Variants in TRPM6 observed in about 807,000 individuals in gnomAD.
The protein encoded by TRPM6 is transient receptor potential cation channel subfamily M member 6, also known as channel kinase 2.
TRPM6 carries 111 observed loss-of-function variants against 247.6 expected under a neutral mutation model. That is an observed-to-expected ratio of 0.45 (90% CI 0.38 to 0.52). The LOEUF (loss-of-function observed/expected upper bound fraction) is 0.52. Ranked by LOEUF, TRPM6 falls within the 20% of genes least tolerant of loss-of-function variation. TRPM6 has a pLI of 0.00. For synonymous variants in TRPM6, 892 were observed against 853.8 expected (o/e 1.04, Z -0.78); for missense variants, 2,126 against 2,421.5 (o/e 0.88, Z 2.56).
chr9:74,806,625 G>A (rs528475672), intron 14 of TRPM6, among the ~76,000 whole-genome samples: 1 of 152,186 alleles, frequency 6.6e-6, no homozygotes, highest in East Asian at 1.9e-4. Flanking sequence ...CTGTGTATCA[G>A]GAACATGGAT....
rs1462919355 is a variant in TRPM6, at chr9:74,839,406, C to T, written c.544+618G>A. ...AGTGTAGAAGAGTCAGTGATTGAGA[C>T]GGTGAGTGTTTTGGCAATCATGTAG... is the stretch of plus-strand genomic sequence containing the variant. On this transcript the variant is annotated intron_variant, in intron 5 of 38. Transcript: ENST00000360774. 6.6e-5 allele frequency among the ~76,000 whole-genome samples: 10 copies of T among 152,020 alleles called. No individual in the cohort carries two copies. The East Asian group carries it at 1.4e-3, about 21-fold the overall frequency.
At position 74,775,929 on chromosome 9, in the gene TRPM6, G is replaced by A; in HGVS notation, c.3357C>T (p.Cys1119=). ...SHVGLLLRRL[C]CHRAPHDQEE... ...CTTGGTCGTGAGGAGCTCGATGACA[G>A]CACAGGCGGCGGAGGAGAAGGCCCA... Residue 1119 remains cysteine (C), a synonymous_variant, in exon 24 of 39, where the codon TGC becomes TGT. Transcript: ENST00000360774. The A allele has an allele frequency of 1.2e-6, 2 of 1,614,206 alleles. No homozygotes were observed. The highest frequency in any genetic ancestry group is 1.7e-6 in the Non-Finnish European group (2 of 1,180,040).
chr9:74,786,429 A>G (rs142565513), intron 20 of TRPM6, among the ~76,000 whole-genome samples: 1 of 152,330 alleles, frequency 6.6e-6, no homozygotes, highest in African/African-American at 2.4e-5. Flanking sequence ...ATGAGAAAAC[A>G]CCAAGACATT....
At chr9:74,781,170 A>G (rs1364138905) in intron 23 of TRPM6, among the ~76,000 whole-genome samples, 1 of 152,142 alleles carries the variant, frequency 6.6e-6, no homozygotes, top group Non-Finnish European at 1.5e-5. Context: ...GCTCAGGGAC[A>G]TTCCAATGTT....
chr9:74,849,759 G>A (rs2118274253), intron 3 of TRPM6, among the ~76,000 whole-genome samples: 1 of 152,332 alleles, frequency 6.6e-6, no homozygotes, highest in East Asian at 1.9e-4. Context: ...AGGAAGCGAT[G>A]TGTCCTGGAG....
At chr9:74,761,505 T>G (rs1826629528) in intron 27 of TRPM6, among the ~76,000 whole-genome samples, 191 bp downstream of exon 27, 1 of 151,848 alleles carries the variant, frequency 6.6e-6, no homozygotes, top group East Asian at 1.9e-4. Flanking sequence ...TGCCCAGAGG[T>G]TCAAGGTCAG....
At chr9:74,851,750 A>AG (rs1255405933) in intron 3 of TRPM6, among the ~76,000 whole-genome samples, 19 of 109,672 alleles carry the variant, frequency 1.7e-4, no homozygotes, top group African/African-American at 6.5e-4. Context: ...CTTTGTCTCA[A>AG]AAAAAAAAAA....
chr9:74,840,926 C>G (rs1829917995), intron 4 of TRPM6, among the ~76,000 whole-genome samples: 1 of 151,664 alleles, frequency 6.6e-6, no homozygotes, highest in Non-Finnish European at 1.5e-5. Context: ...ACCTTTTCAT[C>G]AGAAGCTATA....
At chr9:74,828,883 G>T (rs1447381326) in intron 6 of TRPM6, among the ~76,000 whole-genome samples, 1 of 152,008 alleles carries the variant, frequency 6.6e-6, no homozygotes, top group Non-Finnish European at 1.5e-5. Context: ...TTAAAAAACA[G>T]TTCAAGGACT....
intron 1 of TRPM6, among the ~76,000 whole-genome samples, chr9:74,876,876 G>A (rs1312182673): frequency 2.0e-5 from 3 of 152,180 alleles, no homozygotes; most frequent in African/African-American, 4.8e-5. Context: ...ACTTTTGTGT[G>A]GATGTGCACA....
chr9:74,783,922 C>T (rs981621707), intron 21 of TRPM6, among the ~76,000 whole-genome samples: 2 of 152,086 alleles, frequency 1.3e-5, no homozygotes, highest in African/African-American at 4.8e-5. Context: ...AGACACTGTA[C>T]TTATTAAAGC....
At chr9:74,785,478 C>T (rs1827610009) in intron 21 of TRPM6, among the ~76,000 whole-genome samples, 2 of 152,132 alleles carry the variant, frequency 1.3e-5, no homozygotes, top group South Asian at 4.1e-4. Context: ...ATTCCATATA[C>T]CCCGTAAATA....
intron 15 of TRPM6, among the ~76,000 whole-genome samples, chr9:74,802,631 G>A (rs1828386571): frequency 1.3e-5 from 2 of 152,200 alleles, no homozygotes; most frequent in African/African-American, 4.8e-5. Context: ...ATACATGGGA[G>A]TGATGTATTT....
chr9:74,791,311 G>A, intron 19 of TRPM6, among the ~76,000 whole-genome samples: 1 of 152,108 alleles, frequency 6.6e-6, no homozygotes, highest in Admixed American at 6.6e-5. Context: ...ATAAGTGTGT[G>A]GTTGGCCAGG....
chr9:74,876,867 C>G (rs1284324984), intron 1 of TRPM6, among the ~76,000 whole-genome samples: 4 of 152,214 alleles, frequency 2.6e-5, no homozygotes. Context: ...TGTATACTAA[C>G]TTTTGTGTGG....
intron 26 of TRPM6, 83 bp from the exon 27 acceptor site, chr9:74,761,891 G>A: frequency 6.7e-7 from 1 of 1,500,682 alleles, no homozygotes; most frequent in Non-Finnish European, 9.3e-7. Flanking sequence ...GAGAGAATGG[G>A]GAGAATGACA....
chr9:74,817,338 CTT>C (rs1193465991), intron 9 of TRPM6, among the ~76,000 whole-genome samples: 1 of 152,112 alleles, frequency 6.6e-6, no homozygotes, highest in Non-Finnish European at 1.5e-5. Flanking sequence ...GAAACTAAGA[CTT>C]TTGCTTTTTT....
At chr9:74,805,059 G>A (rs183092433) in intron 14 of TRPM6, among the ~76,000 whole-genome samples, 3 of 152,146 alleles carry the variant, frequency 2.0e-5, no homozygotes, top group Admixed American at 6.5e-5. Context: ...CATTGCAACT[G>A]AGCACAACTC....
intron 28 of TRPM6, 139 bp downstream of exon 28, chr9:74,755,214 T>G: frequency 1.0e-6 from 1 of 968,454 alleles, no homozygotes; most frequent in Non-Finnish European, 1.6e-6. Context: ...AAATGCTATT[T>G]TCCTTACAGA....
Sources: allele counts gnomAD v4.1 joint callset (sites outside exome capture counted in the v4.1 genomes callset), GRCh38; gene constraint gnomAD v4.1.1; transcripts MANE v1.5; gene names NCBI Gene and HGNC (gene_info 2026-07-23, HGNC 2026-07-21).